TRMT13: variants seen among roughly 807,000 people sequenced by gnomAD.
TRMT13 encodes tRNA:m(4)X modification enzyme TRM13 homolog.
A neutral mutation model predicts 55.9 loss-of-function variants in TRMT13; 45 were observed. The ratio of observed to expected loss-of-function variants is 0.80; its 90% CI spans 0.63 to 1.03. The LOEUF is 1.03. TRMT13 is among the 50% of genes least tolerant of loss of function. TRMT13 has a pLI of 0.00. For synonymous variants in TRMT13, 183 were observed against 196.3 expected, an observed-to-expected ratio of 0.93 and a Z score of 0.57; for missense variants, 513 against 563.9, an observed-to-expected ratio of 0.91 and a Z score of 0.91.
intron 9 of TRMT13, among the ~76,000 whole-genome samples, chr1:100,145,336 G>A (rs989430545): frequency 6.6e-6 from 1 of 152,154 alleles, no homozygotes; most frequent in Non-Finnish European, 1.5e-5. Flanking sequence ...GTCTTCTAAA[G>A]TAAACCAGTT....
In TRMT13 at chr1:100,140,181, G is replaced by C; in HGVS notation, c.325-1G>C. Reference sequence around the variant, plus strand: ...TTATTTAGTTTTATTTTTGTATATAGGTTCCAATTTCTTCTCTATCTGAAG... The same window carrying C: ...TTATTTAGTTTTATTTTTGTATATACGTTCCAATTTCTTCTCTATCTGAAG... On this transcript the variant is annotated splice_acceptor_variant, in intron 4 of 10. Transcript: ENST00000370141. LOFTEE classifies it high-confidence loss of function. 6.2e-7 allele frequency: 1 copy of C among 1,602,192 alleles called. No individual in the cohort carries two copies. The highest frequency in any genetic ancestry group is 8.5e-7 in the Non-Finnish European group (1 of 1,172,708).
chr1:100,135,466 A>G (rs982651600), intron 1 of TRMT13, among the ~76,000 whole-genome samples: 2 of 152,222 alleles, frequency 1.3e-5, no homozygotes, highest in Non-Finnish European at 1.5e-5. Flanking sequence ...TCGAACAGAA[A>G]TAAATTTTTA....
chr1:100,135,169 A>C (rs111652920), intron 1 of TRMT13, among the ~76,000 whole-genome samples: 144 of 152,256 alleles, frequency 9.5e-4, no homozygotes, highest in Non-Finnish European at 1.6e-3. Context: ...CCCTCAAAAG[A>C]ATTACCTGCC....
intron 9 of TRMT13, 85 bp from the exon 10 acceptor site, chr1:100,147,808 TA>T: frequency 7.6e-7 from 1 of 1,321,430 alleles, no homozygotes; most frequent in Non-Finnish European, 1.0e-6. Flanking sequence ...GTTGAGTTTT[TA>T]AAAACAGTAC....
At chr1:100,139,777 A>C in intron 4 of TRMT13, 66 bp downstream of exon 4, 1 of 1,004,088 alleles carries the variant, frequency 1.0e-6, no homozygotes, top group Non-Finnish European at 1.5e-6. Context: ...GATGTGAATA[A>C]GGCATGTTCT....
intron 9 of TRMT13, among the ~76,000 whole-genome samples, chr1:100,146,096 A>G (rs1657212817): frequency 6.6e-6 from 1 of 151,830 alleles, no homozygotes; most frequent in Admixed American, 6.6e-5. Context: ...TATATCTGGA[A>G]TTTCACCCCC....
At chr1:100,137,172 A>G in intron 3 of TRMT13, 87 bp downstream of exon 3, 1 of 1,160,722 alleles carries the variant, frequency 8.6e-7, no homozygotes, top group Non-Finnish European at 1.2e-6. Flanking sequence ...CTTGTTTCAT[A>G]GCTGAGGAAC....
rs1347539872 is a variant in TRMT13, at chr1:100,150,229, C to G, written c.*1409C>G. On this transcript the variant is annotated 3_prime_UTR_variant, in exon 11 of 11. Transcript: ENST00000370141. ...ACTAGTAATAGTAGTGGTAGTAACT[C>G]GTGAATCTTTTTAATAACATAATAG... is the stretch of plus-strand genomic sequence containing the variant. The G allele has an allele frequency of 6.6e-6, 1 of 152,038 alleles. No homozygotes were observed. The highest frequency in any genetic ancestry group is 1.5e-5 in the Non-Finnish European group (1 of 68,004). The allele number at this position is 152,038 out of a possible 1,614,324, so 9.4% of individuals were successfully genotyped here. A position where few individuals can be genotyped will look rare whatever the true frequency, so the allele number is the denominator to read the frequency against.
Position 100,149,406 on chromosome 1 carries a change from T to G in TRMT13, c.*586T>G. On this transcript the variant is annotated 3_prime_UTR_variant, in exon 11 of 11. Transcript: ENST00000370141. ...GCCATACATGTATATATTGTCAGAA[T>G]CTGTCCATGACAAACACAAAACTGA... is the stretch of plus-strand genomic sequence containing the variant. 6.5e-7 allele frequency: 1 copy of G among 1,545,682 alleles called. No homozygotes were observed. Among genetic ancestry groups the G allele is most frequent in the Non-Finnish European group, 8.7e-7 (1 of 1,145,292 alleles).
chr1:100,138,553 A>G (rs1318006948), intron 3 of TRMT13, among the ~76,000 whole-genome samples: 1 of 152,172 alleles, frequency 6.6e-6, no homozygotes, highest in Non-Finnish European at 1.5e-5. Context: ...AGCAACACAC[A>G]TTCTGTCCAT....
rs758958406 is a variant in TRMT13 at position 100,133,232 on chromosome 1, T to A, written c.64T>A (p.Tyr22Asn). ...TCCAGCTGAGGGTAGATGCGGTTAC[T>A]ATGTGGAAAAGAAGAAACGGTTCTG... ...GFPAEGRCGY[Y>N]VEKKKRFCRM... Residue 22 changes from tyrosine to asparagine, a missense_variant, in exon 1 of 11, where the codon TAT becomes AAT. By Grantham distance (143) the Tyr-to-Asn change is moderately radical. Around this residue, in one of 3 missense-constraint regions of TRMT13, gnomAD observed 298 missense variants for 290.3 expected, o/e 1.03. Transcript: ENST00000370141. 6.2e-7 allele frequency: 1 copy of A among 1,614,144 alleles called. No homozygotes were observed. Among genetic ancestry groups the A allele is most frequent in the Admixed American group, 1.7e-5 (1 of 60,026 alleles).
intron 4 of TRMT13, 110 bp downstream of exon 4, chr1:100,139,821 T>C (rs1656372041): frequency 1.4e-6 from 1 of 698,998 alleles, no homozygotes; most frequent in Admixed American, 3.0e-5. Flanking sequence ...TAATTTAGAA[T>C]GCATTTTCCT....
rs573751446 is a variant in TRMT13 at position 100,137,476 on chromosome 1, G to C, written c.261+391G>C. ...GCCTCCCAAAGTGCTAGGATTATAGGCGTGAGCCACCAAATCCAGCCAGGA... is the reference window on the plus strand; with the variant it reads ...GCCTCCCAAAGTGCTAGGATTATAGCCGTGAGCCACCAAATCCAGCCAGGA... On this transcript the variant is annotated intron_variant, in intron 3 of 10. Coordinates refer to ENST00000370141, the MANE Select transcript of TRMT13 (RefSeq NM_019083.3). 2.0e-5 allele frequency among the ~76,000 whole-genome samples: 3 copies of C among 152,252 alleles called. No homozygotes were observed. The South Asian group carries it at 6.2e-4, about 32-fold the overall frequency.
At chr1:100,135,757 A>G (rs1202885633) in intron 1 of TRMT13, among the ~76,000 whole-genome samples, 1 of 152,178 alleles carries the variant, frequency 6.6e-6, no homozygotes, top group Non-Finnish European at 1.5e-5. Context: ...CATGTGGAAT[A>G]TTGGGTAGAA....
chr1:100,143,065 A>C, intron 7 of TRMT13, 72 bp from the exon 8 acceptor site: 1 of 1,055,632 alleles, frequency 9.5e-7, no homozygotes, highest in Non-Finnish European at 1.4e-6. Flanking sequence ...AAACCAATAA[A>C]AATCTTTTTA....
Position 100,148,779 on chromosome 1 carries a change from G to T in TRMT13, c.1405G>T (p.Ala469Ser), listed in dbSNP as rs1657632051. ...GTCTTTGGAAAATGTTTTGTTAACT[G>T]CTTTACCAAATCATTCTTCATCACC... ...LVSLENVLLT[A>S]LPNHSSSPET... Residue 469 changes from alanine to serine, a missense_variant, in exon 11 of 11, where the codon GCT becomes TCT. Around this residue, in one of 3 missense-constraint regions of TRMT13, gnomAD observed 209 missense variants for 255.8 expected, o/e 0.82. Coordinates refer to ENST00000370141, the MANE Select transcript of TRMT13 (RefSeq NM_019083.3). 6.5e-7 allele frequency: 1 copy of T among 1,540,022 alleles called. No homozygotes were observed. The highest frequency in any genetic ancestry group is 8.7e-7 in the Non-Finnish European group (1 of 1,146,842).
intron 1 of TRMT13, among the ~76,000 whole-genome samples, chr1:100,133,552 T>C (rs968999262): frequency 6.6e-6 from 1 of 152,188 alleles, no homozygotes; most frequent in African/African-American, 2.4e-5. Context: ...TTTTGATCTA[T>C]TTATCTCGAT....
chr1:100,149,262 G>C lies in TRMT13; in HGVS notation c.*442G>C. 1 of 1,514,580 alleles carries C rather than the reference G, an allele frequency of 6.6e-7. No individual in the cohort carries two copies. Among genetic ancestry groups the C allele is most frequent in the Non-Finnish European group, 8.8e-7 (1 of 1,136,968 alleles). The allele number at this position is 1,514,580 out of a possible 1,614,324, so 93.8% of individuals were successfully genotyped here. A position where few individuals can be genotyped will look rare whatever the true frequency, so the allele number is the denominator to read the frequency against. On this transcript the variant is annotated 3_prime_UTR_variant, in exon 11 of 11. Coordinates refer to ENST00000370141, the MANE Select transcript of TRMT13 (RefSeq NM_019083.3). ...AATCTGAGAATTTGACTTATATGTG[G>C]ACATTTTTCCCTACAGATCTGGAAA...
intron 1 of TRMT13, among the ~76,000 whole-genome samples, chr1:100,135,494 G>C (rs956856509): frequency 6.6e-6 from 1 of 152,178 alleles, no homozygotes; most frequent in Non-Finnish European, 1.5e-5. Context: ...AATAATAGCA[G>C]ACACTTAGTC....
Sources: allele counts gnomAD v4.1 joint callset (sites outside exome capture counted in the v4.1 genomes callset), GRCh38; gene constraint gnomAD v4.1.1; regional missense constraint gnomAD v4.1.1; transcripts MANE v1.5; gene names NCBI Gene and HGNC (gene_info 2026-07-23, HGNC 2026-07-21).